BMAL2: variants seen among roughly 807,000 people sequenced by gnomAD.
The protein encoded by BMAL2 is basic helix-loop-helix ARNT like 2, also known as basic helix-loop-helix ARNT-like protein 2.
the BMAL2 span, among the ~76,000 whole-genome samples, chr12:27,355,032 T>C: frequency 1.3e-5 from 2 of 152,228 alleles, no homozygotes; most frequent in South Asian, 2.1e-4. Context: ...AGCCAATCAC[T>C]GTCTTGTGTA....
chr12:27,411,916 T>C, the BMAL2 span, among the ~76,000 whole-genome samples: 2 of 152,212 alleles, frequency 1.3e-5, no homozygotes, highest in Non-Finnish European at 2.9e-5. Flanking sequence ...AAGAAATGGT[T>C]GCCAAATCCA....
chr12:27,400,518 A>G, the BMAL2 span: 2 of 1,540,216 alleles, frequency 1.3e-6, no homozygotes, highest in Non-Finnish European at 1.7e-6. Context: ...GTCCTTTTTA[A>G]AAATCTTTGA....
chr12:27,370,356 C>T, the BMAL2 span: 1 of 652,362 alleles, frequency 1.5e-6, no homozygotes, highest in South Asian at 1.9e-5. Flanking sequence ...TCCTTCCTGC[C>T]CCAATCCTTC....
the BMAL2 span, chr12:27,403,672 C>T: frequency 1.5e-5 from 7 of 461,052 alleles, no homozygotes; most frequent in South Asian, 3.8e-4. Flanking sequence ...ATTATCTTTA[C>T]AGTAGCAACA....
At chr12:27,340,882 C>T in the BMAL2 span, among the ~76,000 whole-genome samples, 2 of 152,098 alleles carry the variant, frequency 1.3e-5, no homozygotes, top group African/African-American at 4.8e-5. Flanking sequence ...AAGAATGGGA[C>T]TGCATGCCTG....
the BMAL2 span, among the ~76,000 whole-genome samples, chr12:27,375,470 A>G: frequency 6.6e-6 from 1 of 152,194 alleles, no homozygotes; most frequent in Non-Finnish European, 1.5e-5. Context: ...ATATACTATG[A>G]TCTGAGTTTT....
the BMAL2 span, chr12:27,390,006 T>C: frequency 6.0e-6 from 9 of 1,489,938 alleles, no homozygotes; most frequent in African/African-American, 1.4e-5. Flanking sequence ...TTCTCAATAA[T>C]AGATGGTCAG....
At chr12:27,349,553 A>G in the BMAL2 span, among the ~76,000 whole-genome samples, 2 of 152,178 alleles carry the variant, frequency 1.3e-5, no homozygotes, top group African/African-American at 4.8e-5. Flanking sequence ...GTCAGTTTTA[A>G]TATTTACACC....
the BMAL2 span, among the ~76,000 whole-genome samples, chr12:27,339,933 G>A: frequency 6.6e-6 from 1 of 151,976 alleles, no homozygotes; most frequent in Non-Finnish European, 1.5e-5. Flanking sequence ...CTTTGCCCAC[G>A]TTTTAATGGA....
At chr12:27,374,438 G>A in the BMAL2 span, among the ~76,000 whole-genome samples, 1 of 152,180 alleles carries the variant, frequency 6.6e-6, no homozygotes, top group South Asian at 2.1e-4. Context: ...TAGGTTGTAT[G>A]CAAATACTGT....
At chr12:27,341,710 G>A in the BMAL2 span, among the ~76,000 whole-genome samples, 2 of 152,086 alleles carry the variant, frequency 1.3e-5, no homozygotes, top group Non-Finnish European at 2.9e-5. Context: ...AGATATGCTC[G>A]CAGAAAAGAA....
chr12:27,374,270 G>T, the BMAL2 span, among the ~76,000 whole-genome samples: 1 of 144,998 alleles, frequency 6.9e-6, no homozygotes, highest in Non-Finnish European at 1.5e-5. Context: ...AAAATATCCA[G>T]AAAAAAAAAA....
chr12:27,381,832 C>T, the BMAL2 span, among the ~76,000 whole-genome samples: 1 of 152,076 alleles, frequency 6.6e-6, no homozygotes, highest in Non-Finnish European at 1.5e-5. Context: ...GGAGACTCTG[C>T]AAGTTCAGAT....
At chr12:27,415,230 A>G in the BMAL2 span, among the ~76,000 whole-genome samples, 1 of 152,246 alleles carries the variant, frequency 6.6e-6, no homozygotes, top group Admixed American at 6.5e-5. Context: ...GGTGCTGTCA[A>G]CATACACATA....
the BMAL2 span, among the ~76,000 whole-genome samples, chr12:27,382,712 G>T: frequency 1.2e-4 from 18 of 152,160 alleles, no homozygotes; most frequent in Admixed American, 6.5e-5. Context: ...AAACTTAGAA[G>T]CCAGATCAAC....
At chr12:27,358,010 A>G in the BMAL2 span, among the ~76,000 whole-genome samples, 17 of 151,974 alleles carry the variant, frequency 1.1e-4, no homozygotes, top group South Asian at 3.3e-3. Context: ...AGATAAATAA[A>G]TAAATTTATT....
chr12:27,352,530 A>T, the BMAL2 span, among the ~76,000 whole-genome samples: 6 of 151,674 alleles, frequency 4.0e-5, no homozygotes, highest in South Asian at 1.1e-3. Flanking sequence ...CACTCTCACC[A>T]CTCCTATTCA....
chr12:27,348,241 A>G, the BMAL2 span, among the ~76,000 whole-genome samples: 3 of 152,204 alleles, frequency 2.0e-5, no homozygotes, highest in African/African-American at 4.8e-5. Context: ...GAATATGGCT[A>G]TAGTGAATAA....
chr12:27,367,162 G>A, the BMAL2 span, among the ~76,000 whole-genome samples: 7 of 152,250 alleles, frequency 4.6e-5, no homozygotes, highest in South Asian at 4.1e-4. Flanking sequence ...GTGCTTTGAG[G>A]CCACTATTAA....
Sources: allele counts gnomAD v4.1 joint callset (sites outside exome capture counted in the v4.1 genomes callset), GRCh38; gene constraint gnomAD v4.1.1; transcripts MANE v1.5; gene names NCBI Gene and HGNC (gene_info 2026-07-23, HGNC 2026-07-21).